Variants in PPP1R9A observed in about 807,000 individuals in gnomAD.
The protein encoded by PPP1R9A is protein phosphatase 1 regulatory subunit 9A.
In PPP1R9A, 59 loss-of-function variants were observed where a neutral mutation model predicts 141.9. That is an observed-to-expected ratio of 0.42 (90% CI 0.34 to 0.52). The LOEUF (loss-of-function observed/expected upper bound fraction) is 0.52. Among genes scored for constraint, PPP1R9A ranks in the 20% least tolerant of loss-of-function variants. PPP1R9A has a pLI of 0.10. For synonymous variants in PPP1R9A, 500 were observed against 569.7 expected (o/e 0.88, Z 1.74); for missense variants, 1,444 against 1,611.9 (o/e 0.90, Z 1.78).
At chr7:95,120,920 G>C in intron 4 of PPP1R9A, 88 bp downstream of exon 4, 2 of 1,475,746 alleles carry the variant, frequency 1.4e-6, no homozygotes, top group Non-Finnish European at 9.1e-7. Flanking sequence ...GCTTTTGTTT[G>C]TTGATTTTTT....
rs376276379 is a variant in PPP1R9A at position 95,161,498 on chromosome 7, A to G, written c.1650-369A>G. On this transcript the variant is annotated intron_variant, in intron 4 of 19. Coordinates refer to ENST00000433360, the MANE Select transcript of PPP1R9A (RefSeq NM_001166160.2). ...ATCTGCCGATGCTCAAGTCTCTTACAGTATAGTATAGAGATAGTATTTGCA... is the reference window on the plus strand; with the variant it reads ...ATCTGCCGATGCTCAAGTCTCTTACGGTATAGTATAGAGATAGTATTTGCA... Among the ~76,000 whole-genome samples, 10 of 152,300 alleles carry G rather than the reference A, an allele frequency of 6.6e-5. No homozygotes were observed. The East Asian group carries it at 1.7e-3, about 26-fold the overall frequency.
intron 6 of PPP1R9A, among the ~76,000 whole-genome samples, chr7:95,202,796 A>G (rs1332728469): frequency 6.6e-6 from 1 of 152,050 alleles, no homozygotes; most frequent in Non-Finnish European, 1.5e-5. Flanking sequence ...ATTTAAGAGC[A>G]TTATGCCGTT....
At chr7:94,957,512 A>G (rs1260358516) in intron 2 of PPP1R9A, among the ~76,000 whole-genome samples, 1 of 152,234 alleles carries the variant, frequency 6.6e-6, no homozygotes, top group African/African-American at 2.4e-5. Flanking sequence ...AGGAAGCAAA[A>G]GTAAGTGTGA....
chr7:95,165,471 T>C (rs983584726), intron 5 of PPP1R9A, among the ~76,000 whole-genome samples: 1 of 152,198 alleles, frequency 6.6e-6, no homozygotes, highest in Middle Eastern at 3.2e-3. Flanking sequence ...CTTCCAGCCT[T>C]ACTAAAGCAT....
chr7:94,977,820 T>G (rs1216379063), intron 2 of PPP1R9A, among the ~76,000 whole-genome samples: 2 of 151,306 alleles, frequency 1.3e-5, no homozygotes, highest in African/African-American at 2.4e-5. Flanking sequence ...TGGAGTTCAG[T>G]GGCGTGATCT....
At chr7:95,131,249 T>A (rs1236909581) in intron 4 of PPP1R9A, among the ~76,000 whole-genome samples, 1 of 152,130 alleles carries the variant, frequency 6.6e-6, no homozygotes, top group Non-Finnish European at 1.5e-5. Flanking sequence ...GAGATAATGA[T>A]GGTTTTAAAA....
intron 2 of PPP1R9A, among the ~76,000 whole-genome samples, chr7:95,073,624 G>GTTTTTTTTTTTT (rs36077129): frequency 2.8e-5 from 3 of 105,558 alleles, no homozygotes; most frequent in African/African-American, 7.1e-5. Flanking sequence ...AAAGAAATAA[G>GTTTTTTTTTTTT]TTTTTTTTTT....
At chr7:95,221,751 A>ATTTTGCAT (rs1229247931) in intron 7 of PPP1R9A, among the ~76,000 whole-genome samples, 1 of 151,968 alleles carries the variant, frequency 6.6e-6, no homozygotes, top group Non-Finnish European at 1.5e-5. Context: ...TTCTATAGAA[A>ATTTTGCAT]TTTTGCATTC....
intron 8 of PPP1R9A, among the ~76,000 whole-genome samples, chr7:95,244,667 G>T (rs975766320): frequency 6.6e-6 from 1 of 152,130 alleles, no homozygotes. Flanking sequence ...TTGATTTCTT[G>T]TTTCTCTTTA....
At chr7:95,026,407 G>A (rs1806847255) in intron 2 of PPP1R9A, among the ~76,000 whole-genome samples, 1 of 152,212 alleles carries the variant, frequency 6.6e-6, no homozygotes, top group South Asian at 2.1e-4. Flanking sequence ...ACCAGTGGAG[G>A]CTGCAGATCA....
chr7:95,115,850 G>A (rs1041766581), intron 3 of PPP1R9A, among the ~76,000 whole-genome samples: 1 of 150,988 alleles, frequency 6.6e-6, no homozygotes, highest in African/African-American at 2.4e-5. Flanking sequence ...CTGGGAGGTG[G>A]AGGTTGCAGT....
intron 7 of PPP1R9A, among the ~76,000 whole-genome samples, chr7:95,221,503 T>C (rs1794452722): frequency 6.6e-6 from 1 of 152,086 alleles, no homozygotes; most frequent in African/African-American, 2.4e-5. Context: ...CTAGTATGTC[T>C]ACATACGTCT....
At chr7:95,283,938 TA>T (rs1804769040) in intron 16 of PPP1R9A, 79 bp from the exon 17 acceptor site, 1 of 1,229,580 alleles carries the variant, frequency 8.1e-7, no homozygotes, top group Non-Finnish European at 1.1e-6. Flanking sequence ...TACTTCAAAC[TA>T]TATTCAGAGT....
At chr7:94,928,014 C>T (rs1793693147) in intron 2 of PPP1R9A, among the ~76,000 whole-genome samples, 1 of 152,150 alleles carries the variant, frequency 6.6e-6, no homozygotes, top group Non-Finnish European at 1.5e-5. Context: ...AGCCAGTACA[C>T]ATGTCAACTT....
intron 2 of PPP1R9A, among the ~76,000 whole-genome samples, chr7:94,960,853 T>C (rs1797560211): frequency 6.6e-6 from 1 of 151,708 alleles, no homozygotes; most frequent in African/African-American, 2.4e-5. Context: ...ATTTAAAAGA[T>C]GTTTCTTGTG....
At chr7:94,975,515 T>G (rs1204214850) in intron 2 of PPP1R9A, among the ~76,000 whole-genome samples, 1 of 152,100 alleles carries the variant, frequency 6.6e-6, no homozygotes, top group African/African-American at 2.4e-5. Context: ...AAATATAACC[T>G]GTATACACAG....
intron 12 of PPP1R9A, among the ~76,000 whole-genome samples, chr7:95,268,295 A>G (rs1299070987): frequency 2.0e-5 from 3 of 152,098 alleles, no homozygotes; most frequent in African/African-American, 7.2e-5. Flanking sequence ...ATATTGCAGG[A>G]AGGTTGTATG....
At chr7:95,141,182 A>C (rs1357282033) in intron 4 of PPP1R9A, among the ~76,000 whole-genome samples, 2 of 152,232 alleles carry the variant, frequency 1.3e-5, no homozygotes, top group African/African-American at 4.8e-5. Context: ...TTAAATGTCA[A>C]AAATGATAAT....
chr7:95,048,343 A>G (rs1354219274), intron 2 of PPP1R9A, among the ~76,000 whole-genome samples: 1 of 152,218 alleles, frequency 6.6e-6, no homozygotes, highest in Non-Finnish European at 1.5e-5. Context: ...TTAGCCTCAA[A>G]GAAGTAATCT....
Sources: gnomAD v4.1 joint callset for allele counts (sites outside exome capture counted in the v4.1 genomes callset) on GRCh38, gnomAD v4.1.1 for gene constraint, MANE v1.5 for transcripts, NCBI Gene and HGNC (gene_info 2026-07-23, HGNC 2026-07-21) for gene names.